Variants in ESRRG observed in about 807,000 individuals in gnomAD.
ESRRG encodes estrogen related receptor gamma.
Under a neutral mutation model 44.0 loss-of-function variants are expected in ESRRG, and 13 were observed. The ratio of observed to expected loss-of-function variants is 0.30; its 90% CI spans 0.19 to 0.47. ESRRG has a LOEUF of 0.47. Among genes scored for constraint, ESRRG ranks in the 20% least tolerant of loss-of-function variants. The probability of loss-of-function intolerance (pLI) is 1.00; values close to 1 mark genes in which losing one functional copy is unlikely to be tolerated. For missense variants in ESRRG, 395 were observed against 580.6 expected (o/e 0.68, Z 3.29); for synonymous variants, 215 against 214.6 (o/e 1.00, Z -0.02).
intron 2 of ESRRG, among the ~76,000 whole-genome samples, chr1:216,744,620 A>T (rs2091171222): frequency 6.6e-6 from 1 of 152,220 alleles, no homozygotes; most frequent in Admixed American, 6.5e-5. Context: ...TGATTTTAAG[A>T]AATGCACACA....
upstream of ESRRG, among the ~76,000 whole-genome samples, chr1:217,094,418 A>G (rs970745555): frequency 6.6e-6 from 1 of 152,090 alleles, no homozygotes; most frequent in Non-Finnish European, 1.5e-5. Flanking sequence ...GTATAGAATC[A>G]GAATGAGACT....
At chr1:216,759,417 C>T (rs1194164640) in intron 2 of ESRRG, among the ~76,000 whole-genome samples, 1 of 152,122 alleles carries the variant, frequency 6.6e-6, no homozygotes, top group Non-Finnish European at 1.5e-5. Flanking sequence ...CAGCAAACCT[C>T]CTAAGGGTCT....
At chr1:216,870,557 C>A (rs1325374133) in intron 2 of ESRRG, among the ~76,000 whole-genome samples, 1 of 151,884 alleles carries the variant, frequency 6.6e-6, no homozygotes, top group Non-Finnish European at 1.5e-5. Context: ...CACCTATTTT[C>A]TGAAGGAAAT....
intron 3 of ESRRG, among the ~76,000 whole-genome samples, chr1:216,589,341 T>G (rs985348615): frequency 1.3e-5 from 2 of 152,162 alleles, no homozygotes; most frequent in African/African-American, 2.4e-5. Flanking sequence ...TTCATAAAAT[T>G]TCTTAAAACA....
intron 5 of ESRRG, among the ~76,000 whole-genome samples, chr1:216,559,004 G>A: frequency 6.6e-6 from 1 of 151,734 alleles, no homozygotes; most frequent in East Asian, 1.9e-4. Flanking sequence ...TGAGTAACTG[G>A]GATTACAGGC....
rs777309450 is a variant in ESRRG at position 216,575,490 on chromosome 1, G to A, written c.590-7392C>T. On this transcript the variant is annotated intron_variant, in intron 3 of 6. Coordinates refer to ENST00000408911, the MANE Select transcript of ESRRG (RefSeq NM_001438.4). ...CTTGGGATAAAACAAAATAGTGGCC[G>A]GTGACTAGCAGTCATTGGTTATTGA... Among the ~76,000 whole-genome samples the A allele has an allele frequency of 9.7e-4, 147 of 152,206 alleles. 1 individual carries two copies. Among genetic ancestry groups the A allele is most frequent in the East Asian group, 1.2e-3 (6 of 5,182 alleles).
intron 2 of ESRRG, among the ~76,000 whole-genome samples, chr1:216,827,488 C>A (rs1205728648): frequency 1.3e-5 from 2 of 152,192 alleles, no homozygotes; most frequent in African/African-American, 2.4e-5. Context: ...TCAGCCTCCC[C>A]ATTTCATCAT....
intron 3 of ESRRG, among the ~76,000 whole-genome samples, chr1:216,627,189 ATAAC>A (rs1174904424): frequency 6.6e-6 from 1 of 152,218 alleles, no homozygotes; most frequent in African/African-American, 2.4e-5. Flanking sequence ...CCAGATAGGA[ATAAC>A]TAGTTTGTAG....
intron 2 of ESRRG, among the ~76,000 whole-genome samples, chr1:216,767,377 G>A (rs191111631): frequency 1.6e-3 from 250 of 152,116 alleles, no homozygotes; most frequent in Admixed American, 0.013. Context: ...TTGAGCCTAC[G>A]GACTCAAATG....
At chr1:216,672,994 C>A (rs930331534) in intron 2 of ESRRG, among the ~76,000 whole-genome samples, 2 of 152,150 alleles carry the variant, frequency 1.3e-5, no homozygotes, top group African/African-American at 2.4e-5. Flanking sequence ...AGGCAGGAGT[C>A]ACATTTATGT....
intron 2 of ESRRG, among the ~76,000 whole-genome samples, chr1:216,878,678 G>C (rs555721451): frequency 6.6e-6 from 1 of 151,924 alleles, no homozygotes; most frequent in African/African-American, 2.4e-5. Context: ...TAATTTTTTG[G>C]TGCCACCTTT....
intron 1 of ESRRG, among the ~76,000 whole-genome samples, chr1:216,717,774 T>C (rs1014668263): frequency 2.0e-5 from 3 of 151,856 alleles, no homozygotes; most frequent in African/African-American, 7.2e-5. Flanking sequence ...TACTTATAGT[T>C]TTATATATTT....
chr1:216,796,545 G>A (rs72739426), intron 2 of ESRRG, among the ~76,000 whole-genome samples: 3,884 of 152,132 alleles, frequency 0.026, 93 homozygotes, highest in Non-Finnish European at 0.037. Flanking sequence ...GCATTTGAGC[G>A]GCTTCTTCTC....
intron 2 of ESRRG, among the ~76,000 whole-genome samples, chr1:216,873,599 C>T (rs1231875197): frequency 6.6e-6 from 1 of 151,896 alleles, no homozygotes; most frequent in Admixed American, 6.6e-5. Flanking sequence ...TTGGGGTCCT[C>T]TTTTCAGTCC....
intron 3 of ESRRG, among the ~76,000 whole-genome samples, chr1:216,600,869 C>T (rs79024187): frequency 0.024 from 3,686 of 152,318 alleles, 52 homozygotes; most frequent in Middle Eastern, 0.048. Flanking sequence ...ACACAACCGC[C>T]GCGCTCTGGT....
chr1:216,650,107 A>G (rs1454790997), intron 3 of ESRRG, among the ~76,000 whole-genome samples: 1 of 152,172 alleles, frequency 6.6e-6, no homozygotes, highest in African/African-American at 2.4e-5. Context: ...TTACTTTATA[A>G]AACTGTGTTT....
intron 1 of ESRRG, among the ~76,000 whole-genome samples, chr1:216,949,424 T>C (rs1180714642): frequency 6.6e-6 from 1 of 152,194 alleles, no homozygotes; most frequent in Non-Finnish European, 1.5e-5. Context: ...ATGAGATCAT[T>C]ACCCCTCTCC....
At chr1:217,037,777 C>G (rs1466566570) in intron 1 of ESRRG, among the ~76,000 whole-genome samples, 3 of 152,086 alleles carry the variant, frequency 2.0e-5, no homozygotes, top group Non-Finnish European at 4.4e-5. Flanking sequence ...AAATCAAAAA[C>G]AAATTAGTTA....
At chr1:216,516,942 T>A (rs186295771) in intron 6 of ESRRG, among the ~76,000 whole-genome samples, 487 of 152,210 alleles carry the variant, frequency 3.2e-3, no homozygotes, top group Non-Finnish European at 5.2e-3. Flanking sequence ...GCTTGCAGGT[T>A]AGGTGGGTGA....
Sources: allele counts gnomAD v4.1 joint callset (sites outside exome capture counted in the v4.1 genomes callset), GRCh38; gene constraint gnomAD v4.1.1; transcripts MANE v1.5; gene names NCBI Gene and HGNC (gene_info 2026-07-23, HGNC 2026-07-21).